Variants in MPC1 observed in about 807,000 individuals in gnomAD.
MPC1 encodes the protein mitochondrial pyruvate carrier 1, also known as HSPC040 protein.
In MPC1, 6 loss-of-function variants were observed where a neutral mutation model predicts 13.9. The observed-to-expected ratio is 0.43, with a 90% CI of 0.24 to 0.85. The LOEUF (loss-of-function observed/expected upper bound fraction) is 0.85. Among genes scored for constraint, MPC1 ranks in the 40% least tolerant of loss-of-function variants. MPC1 has a pLI of 0.24. For missense variants in MPC1, 115 were observed against 143.3 expected (o/e 0.80, Z 1.01); for synonymous variants, 47 against 50.5 (o/e 0.93, Z 0.29).
At chr6:166,378,684 T>G (rs1287376906) in intron 1 of MPC1, among the ~76,000 whole-genome samples, 1 of 152,106 alleles carries the variant, frequency 6.6e-6, no homozygotes, top group Non-Finnish European at 1.5e-5. Context: ...AATAGTTTCT[T>G]AAGAAAAAGG....
At chr6:166,369,025 G>A (rs1335458764) in intron 2 of MPC1, 1 of 783,224 alleles carries the variant, frequency 1.3e-6, no homozygotes. Flanking sequence ...TCTTTCATAG[G>A]TGGGGCTAAA....
At chr6:166,366,699 A>G (rs1200112711) in intron 3 of MPC1, 96 bp downstream of exon 3, 6 of 1,177,930 alleles carry the variant, frequency 5.1e-6, no homozygotes, top group African/African-American at 1.5e-5. Flanking sequence ...TGACTTTCTA[A>G]TAGTGACTGT....
In MPC1 at chr6:166,377,147, CT is replaced by C. The variant is rs34639126; in HGVS notation, c.71+5658del. 7.8e-3 allele frequency among the ~76,000 whole-genome samples: 1,078 copies of C among 138,316 alleles called. 23 individuals are homozygous for C. The highest frequency in any genetic ancestry group is 0.025 in the African/African-American group (961 of 37,690). The allele number at this position is 138,316 out of a possible 152,430, so 90.7% of individuals were successfully genotyped here. On this transcript the variant is annotated intron_variant, in intron 1 of 4. Coordinates refer to ENST00000360961, the MANE Select transcript of MPC1 (RefSeq NM_016098.4). The stretch of plus-strand genomic sequence containing the variant: ...ATAATTACTATTATTATTATTTATT[CT>C]TTTTTTTTTTTTTTGAGACAGTCTC...
intron 1 of MPC1, among the ~76,000 whole-genome samples, chr6:166,374,303 G>C (rs546684113): frequency 5.1e-4 from 78 of 152,256 alleles, no homozygotes; most frequent in African/African-American, 1.9e-3. Flanking sequence ...TTATTGTTAA[G>C]TTTTAAGAGT....
intron 3 of MPC1, among the ~76,000 whole-genome samples, chr6:166,366,424 T>C (rs946017078): frequency 2.6e-5 from 4 of 152,208 alleles, no homozygotes; most frequent in African/African-American, 9.6e-5. Context: ...TCTGAAAGAA[T>C]TGTTATTTAT....
At chr6:166,379,990 A>G (rs1779707715) in intron 1 of MPC1, among the ~76,000 whole-genome samples, 1 of 152,180 alleles carries the variant, frequency 6.6e-6, no homozygotes, top group African/African-American at 2.4e-5. Context: ...CTGGCCCTCA[A>G]TCACTGTTTG....
At chr6:166,370,396 A>G (rs1779336395) in intron 1 of MPC1, 175 bp from the exon 2 acceptor site, 3 of 553,650 alleles carry the variant, frequency 5.4e-6, no homozygotes, top group South Asian at 5.0e-5. Context: ...TAAAAGATCA[A>G]GTAATATTAT....
At chr6:166,380,195 A>G (rs967624184) in intron 1 of MPC1, among the ~76,000 whole-genome samples, 4 of 152,240 alleles carry the variant, frequency 2.6e-5, no homozygotes, top group African/African-American at 9.6e-5. Flanking sequence ...AAACAGAAGG[A>G]TATAATAAAA....
rs1779130074 is a variant in MPC1 at position 166,365,875 on chromosome 6, C to T, written c.305+99G>A. The T allele has an allele frequency of 1.3e-6, 2 of 1,494,602 alleles. No individual in the cohort carries two copies. Among genetic ancestry groups the T allele is most frequent in the Non-Finnish European group, 1.8e-6 (2 of 1,102,992 alleles). 92.6% of individuals were successfully genotyped at this position (1,494,602 alleles called of 1,614,324 possible). A position where few individuals can be genotyped will look rare whatever the true frequency, so the allele number is the denominator to read the frequency against. Reference sequence around the variant, plus strand: ...AACTGCTAAAGCGCATCTATACACACTCCAGTCCCGCAGCACTCCCTCAGA... The same window carrying T: ...AACTGCTAAAGCGCATCTATACACATTCCAGTCCCGCAGCACTCCCTCAGA... On this transcript the variant is annotated intron_variant, in intron 4 of 4. Coordinates refer to ENST00000360961, the MANE Select transcript of MPC1 (RefSeq NM_016098.4). The surrounding 1 kb of genome is among the most constrained non-coding windows in gnomAD (Gnocchi z 4.2).
In MPC1 at chr6:166,365,535, A is replaced by T; in HGVS notation, c.306-82T>A. On this transcript the variant is annotated intron_variant, in intron 4 of 4. Coordinates refer to ENST00000360961, the MANE Select transcript of MPC1 (RefSeq NM_016098.4). This position sits in a 1 kb window ranked among gnomAD's most constrained non-coding sequence, Gnocchi z 4.2. ...AAGGGCTTTGGATGGCTTTTAAAAG[A>T]CACCTTTACATAACATTTATTTCAA... is the stretch of plus-strand genomic sequence containing the variant. The T allele has an allele frequency of 1.8e-6, 2 of 1,101,378 alleles. No homozygotes were observed. The highest frequency in any genetic ancestry group is 2.6e-6 in the Non-Finnish European group (2 of 778,924). The allele number at this position is 1,101,378 out of a possible 1,614,324, so 68.2% of individuals were successfully genotyped here. A position where few individuals can be genotyped will look rare whatever the true frequency, so the allele number is the denominator to read the frequency against.
At chr6:166,367,142 C>G in intron 2 of MPC1, 7 of 1,313,314 alleles carry the variant, frequency 5.3e-6, no homozygotes, top group Non-Finnish European at 6.9e-6. Flanking sequence ...TTCCCAAGGT[C>G]CCTACTGGTT....
intron 1 of MPC1, among the ~76,000 whole-genome samples, chr6:166,373,462 C>G (rs1421064984): frequency 6.6e-6 from 1 of 152,186 alleles, no homozygotes; most frequent in Admixed American, 6.5e-5. Context: ...TTTCATAGCT[C>G]ACTTTTTAGT....
chr6:166,378,569 T>C (rs938120016), intron 1 of MPC1, among the ~76,000 whole-genome samples: 1 of 152,178 alleles, frequency 6.6e-6, no homozygotes, highest in Non-Finnish European at 1.5e-5. Flanking sequence ...GTTTTGCTTA[T>C]TCTAATTTAT....
intron 1 of MPC1, among the ~76,000 whole-genome samples, chr6:166,378,625 A>AG (rs1360026715): frequency 6.6e-6 from 1 of 152,232 alleles, no homozygotes; most frequent in African/African-American, 2.4e-5. Flanking sequence ...GAAGAGGAAA[A>AG]GCAAAGAAGA....
chr6:166,366,551 GAC>G (rs1779163712), intron 3 of MPC1, among the ~76,000 whole-genome samples: 1 of 152,178 alleles, frequency 6.6e-6, no homozygotes. Flanking sequence ...TGATTCAGAT[GAC>G]ACAGTCTTCA....
chr6:166,382,348 A>G (rs73265156), intron 1 of MPC1, among the ~76,000 whole-genome samples: 3,875 of 150,752 alleles, frequency 0.026, 158 homozygotes, highest in African/African-American at 0.09. Flanking sequence ...TATGCCTACC[A>G]GGAGAGGCGT....
rs1779110040 is a variant in MPC1 at position 166,365,359 on chromosome 6, A to G, written c.*70T>C. 3 of 1,325,176 alleles carry G rather than the reference A, an allele frequency of 2.3e-6. No homozygotes were observed. The highest frequency in any genetic ancestry group is 3.0e-6 in the Non-Finnish European group (3 of 994,736). The allele number at this position is 1,325,176 out of a possible 1,614,324, so 82.1% of individuals were successfully genotyped here. ...TATTTTCCTTAGGGAGGCTATTTATAATGAAATCTGTGACTCAGCAGCAGC... is the reference window on the plus strand; with the variant it reads ...TATTTTCCTTAGGGAGGCTATTTATGATGAAATCTGTGACTCAGCAGCAGC... On this transcript the variant is annotated 3_prime_UTR_variant, in exon 5 of 5. Coordinates refer to ENST00000360961, the MANE Select transcript of MPC1 (RefSeq NM_016098.4). The surrounding 1 kb of genome is among the most constrained non-coding windows in gnomAD (Gnocchi z 4.2).
rs1374856886 is a variant in MPC1 at position 166,382,922 on chromosome 6, G to A, written c.-46C>T. On this transcript the variant is annotated 5_prime_UTR_variant, in exon 1 of 5. Coordinates refer to ENST00000360961, the MANE Select transcript of MPC1 (RefSeq NM_016098.4). ...CCGAGTGGTCCCTGCCTCTGCTGCC[G>A]CTTCCCAGAGCCAATGACACCCCGG... is the stretch of plus-strand genomic sequence containing the variant. 4 of 1,557,332 alleles carry A rather than the reference G, an allele frequency of 2.6e-6. No individual in the cohort carries two copies. Among genetic ancestry groups the A allele is most frequent in the Non-Finnish European group, 3.5e-6 (4 of 1,152,136 alleles).
At position 166,365,520 on chromosome 6, in the gene MPC1, G is replaced by T; in HGVS notation, c.306-67C>A. The T allele has an allele frequency of 1.5e-6, 2 of 1,358,106 alleles. No homozygotes were observed. The highest frequency in any genetic ancestry group is 1.3e-5 in the South Asian group (1 of 74,286). 84.1% of individuals were successfully genotyped at this position (1,358,106 alleles called of 1,614,324 possible). A position where few individuals can be genotyped will look rare whatever the true frequency, so the allele number is the denominator to read the frequency against. ...TTCAATGCCAATCGCAAGGGCTTTG[G>T]ATGGCTTTTAAAAGACACCTTTACA... On this transcript the variant is annotated intron_variant, in intron 4 of 4. Transcript: ENST00000360961. The surrounding 1 kb of genome is among the most constrained non-coding windows in gnomAD (Gnocchi z 4.2).
Sources: gnomAD v4.1 joint callset for allele counts (sites outside exome capture counted in the v4.1 genomes callset) on GRCh38, gnomAD v4.1.1 for gene constraint, Gnocchi (gnomAD v3.1) non-coding constraint, MANE v1.5 for transcripts, NCBI Gene and HGNC (gene_info 2026-07-23, HGNC 2026-07-21) for gene names.